Variants in CLNK observed in about 807,000 individuals in gnomAD.
The protein encoded by CLNK is cytokine dependent hematopoietic cell linker.
CLNK carries 74 observed loss-of-function variants against 68.6 expected under a neutral mutation model. The ratio of observed to expected loss-of-function variants is 1.08; its 90% CI spans 0.89 to 1.31. The LOEUF (loss-of-function observed/expected upper bound fraction) is 1.31, where lower values mean the gene tolerates loss of function less well. CLNK is among the 50% of genes most tolerant of loss of function. The pLI, the probability that CLNK is intolerant of heterozygous loss-of-function variation, is 0.00. For synonymous variants in CLNK, 198 were observed against 172.2 expected (o/e 1.15, Z -1.17); for missense variants, 553 against 515.3 (o/e 1.07, Z -0.71).
chr4:10,699,739 C>A, the CLNK span, among the ~76,000 whole-genome samples: 2 of 151,394 alleles, frequency 1.3e-5, no homozygotes, highest in African/African-American at 4.9e-5. Context: ...CTCTTGAACT[C>A]CTGACCTCAG....
chr4:10,528,813 A>G (rs1247741696), intron 12 of CLNK, among the ~76,000 whole-genome samples: 3 of 152,320 alleles, frequency 2.0e-5, no homozygotes, highest in East Asian at 1.9e-4. Context: ...TTTTTTCTTT[A>G]TACTTGCTCT....
intron 1 of CLNK, among the ~76,000 whole-genome samples, chr4:10,671,634 A>G (rs1180143653): frequency 6.6e-6 from 1 of 152,206 alleles, no homozygotes; most frequent in Non-Finnish European, 1.5e-5. Context: ...GTAATAAATT[A>G]TAGAGAATAC....
intron 10 of CLNK, 71 bp downstream of exon 10, chr4:10,541,951 C>A (rs773797949): frequency 8.7e-7 from 1 of 1,150,594 alleles, no homozygotes; most frequent in Non-Finnish European, 1.3e-6. Flanking sequence ...GTTTGTGTTT[C>A]TCTTTTTCAG....
At chr4:10,584,779 G>A in intron 4 of CLNK, 148 bp downstream of exon 4, 1 of 840,060 alleles carries the variant, frequency 1.2e-6, no homozygotes, top group Non-Finnish European at 1.9e-6. Context: ...GTACCCTGGG[G>A]CAACTGGAAG....
At chr4:10,588,146 C>T (rs921713865) in intron 3 of CLNK, among the ~76,000 whole-genome samples, 2 of 152,164 alleles carry the variant, frequency 1.3e-5, no homozygotes, top group Non-Finnish European at 2.9e-5. Context: ...TTAATGTAAG[C>T]GTGGCAAGCC....
intron 2 of CLNK, among the ~76,000 whole-genome samples, chr4:10,610,975 G>C (rs1232020959): frequency 6.6e-6 from 1 of 151,976 alleles, no homozygotes; most frequent in Non-Finnish European, 1.5e-5. Context: ...CTTGAGGTCA[G>C]GAGTTCGAGA....
chr4:10,569,450 G>C (rs1335177889), intron 5 of CLNK, among the ~76,000 whole-genome samples: 1 of 152,172 alleles, frequency 6.6e-6, no homozygotes, highest in Non-Finnish European at 1.5e-5. Context: ...TGCATCCCAA[G>C]GGGATAGTTC....
chr4:10,688,664 T>C (rs1457368692), upstream of CLNK, among the ~76,000 whole-genome samples: 1 of 152,172 alleles, frequency 6.6e-6, no homozygotes, highest in Non-Finnish European at 1.5e-5. Flanking sequence ...CTCTTGGCAT[T>C]GTTAATGTAT....
intron 2 of CLNK, among the ~76,000 whole-genome samples, chr4:10,601,684 G>A (rs1352831278): frequency 1.3e-5 from 2 of 152,200 alleles, no homozygotes; most frequent in African/African-American, 4.8e-5. Flanking sequence ...CCCACCTGGG[G>A]AGGACAGTGC....
chr4:10,632,139 G>A (rs780216855), intron 2 of CLNK, among the ~76,000 whole-genome samples: 6 of 152,170 alleles, frequency 3.9e-5, no homozygotes, highest in Admixed American at 6.5e-5. Flanking sequence ...CATCTTCCCA[G>A]ACTTCCTTGG....
rs60360662 is a variant in CLNK, at chr4:10,487,179, A to C, written c.*3288T>G. ...GTAATGGTTGAAAAGGGATTAAAAC[A>C]CTGGAATTTGGGCATGCCAAATCCA... On this transcript the variant is annotated 3_prime_UTR_variant, in exon 19 of 19. Coordinates refer to ENST00000226951, the MANE Select transcript of CLNK (RefSeq NM_052964.4). 5.9e-5 allele frequency: 9 copies of C among 152,354 alleles called. No homozygotes were observed. Among genetic ancestry groups the C allele is most frequent in the African/African-American group, 2.2e-4 (9 of 41,582 alleles). The allele number at this position is 152,354 out of a possible 1,614,324, so 9.4% of individuals were successfully genotyped here.
the CLNK span, among the ~76,000 whole-genome samples, chr4:10,730,218 T>G: frequency 6.6e-6 from 1 of 152,078 alleles, no homozygotes; most frequent in Non-Finnish European, 1.5e-5. Flanking sequence ...ACTGCACCAT[T>G]GAACCTCACA....
intron 8 of CLNK, among the ~76,000 whole-genome samples, chr4:10,548,604 C>T (rs975347424): frequency 6.6e-6 from 1 of 152,148 alleles, no homozygotes; most frequent in Non-Finnish European, 1.5e-5. Flanking sequence ...GATCTTTTCC[C>T]TATGTTTTCT....
At chr4:10,503,231 C>T (rs1276179493) in intron 17 of CLNK, among the ~76,000 whole-genome samples, 6 of 152,144 alleles carry the variant, frequency 3.9e-5, no homozygotes, top group East Asian at 1.9e-4. Context: ...GAGGCCGACG[C>T]GGGTGGATCA....
chr4:10,543,381 T>A (rs1043729706), intron 8 of CLNK, among the ~76,000 whole-genome samples: 9 of 152,136 alleles, frequency 5.9e-5, no homozygotes, highest in Non-Finnish European at 1.2e-4. Flanking sequence ...ATAGGAGACT[T>A]AAACCTCCAC....
chr4:10,599,084 G>A lies in CLNK; in HGVS notation c.12-1035C>T, dbSNP rs376508277. Among the ~76,000 whole-genome samples, 29 of 152,324 alleles carry A rather than the reference G, an allele frequency of 1.9e-4. No homozygotes were observed. The East Asian group carries it at 3.3e-3, about 17-fold the overall frequency. On this transcript the variant is annotated intron_variant, in intron 2 of 18. Transcript: ENST00000226951. ...ACAGACTCGCTCCTTCACAGCACTTGCCTGAGTTTTAATTTTCCTTTTGTT... is the reference window on the plus strand; with the variant it reads ...ACAGACTCGCTCCTTCACAGCACTTACCTGAGTTTTAATTTTCCTTTTGTT...
chr4:10,496,156 G>A (rs763341961), intron 18 of CLNK, among the ~76,000 whole-genome samples: 11 of 152,204 alleles, frequency 7.2e-5, no homozygotes, highest in Non-Finnish European at 1.6e-4. Context: ...CCAAGAGTTA[G>A]GCATTGCTGC....
intron 1 of CLNK, among the ~76,000 whole-genome samples, chr4:10,676,162 A>G (rs1002850206): frequency 6.6e-6 from 1 of 151,940 alleles, no homozygotes; most frequent in Non-Finnish European, 1.5e-5. Flanking sequence ...GATGATATTA[A>G]TTTGGTTCCA....
At chr4:10,606,269 G>A (rs1159601089) in intron 2 of CLNK, among the ~76,000 whole-genome samples, 2 of 152,088 alleles carry the variant, frequency 1.3e-5, no homozygotes, top group Non-Finnish European at 2.9e-5. Flanking sequence ...GGCCTGCATA[G>A]GGTCAGGGTC....
Sources: allele counts gnomAD v4.1 joint callset (sites outside exome capture counted in the v4.1 genomes callset), GRCh38; gene constraint gnomAD v4.1.1; transcripts MANE v1.5; gene names NCBI Gene and HGNC (gene_info 2026-07-23, HGNC 2026-07-21).